RTN3: variants seen among roughly 807,000 people sequenced by gnomAD.
RTN3 encodes the protein reticulon-3.
In RTN3, 49 loss-of-function variants were observed where a neutral mutation model predicts 77.8. The ratio of observed to expected loss-of-function variants is 0.63; its 90% confidence interval spans 0.50 to 0.80. The LOEUF (loss-of-function observed/expected upper bound fraction) is 0.80, where lower values mean the gene tolerates loss of function less well. Among genes scored for constraint, RTN3 ranks in the 30% least tolerant of loss-of-function variants. The probability of loss-of-function intolerance (pLI) is 0.00; values close to 1 mark genes in which losing one functional copy is unlikely to be tolerated. For synonymous variants in RTN3, 464 were observed against 446.9 expected, an observed-to-expected ratio of 1.04 and a Z score of -0.48; for missense variants, 1,236 against 1,211.9, an observed-to-expected ratio of 1.02 and a Z score of -0.29.
rs1282814369 is a variant in RTN3, at chr11:63,720,400, C to T, written c.1898C>T (p.Ala633Val). Residue 633 changes from alanine (A) to valine (V), a missense_variant, in exon 3 of 9, where the codon GCC becomes GTC. Transcript: ENST00000377819. ...TTCTCATTAAATGTGACAACATCTGCCTATTTGGAGTCATTACATGGGAAA... is the reference window on the plus strand; with the variant it reads ...TTCTCATTAAATGTGACAACATCTGTCTATTTGGAGTCATTACATGGGAAA... ...TEFSLNVTTS[A>V]YLESLHGKNV... is the part of the protein sequence containing the mutation. The T allele has an allele frequency of 1.2e-6, 2 of 1,613,890 alleles. No individual in the cohort carries two copies. The highest frequency in any genetic ancestry group is 8.5e-7 in the Non-Finnish European group (1 of 1,179,996).
At chr11:63,715,551 C>T (rs370008795) in intron 2 of RTN3, among the ~76,000 whole-genome samples, 4 of 151,976 alleles carry the variant, frequency 2.6e-5, no homozygotes, top group Admixed American at 2.6e-4. Flanking sequence ...CCAGCTACTT[C>T]GGAGGCTGAG....
chr11:63,725,953 G>C (rs2134939781), intron 3 of RTN3, among the ~76,000 whole-genome samples: 1 of 152,110 alleles, frequency 6.6e-6, no homozygotes, highest in South Asian at 2.1e-4. Flanking sequence ...GCAGATGGTG[G>C]GTGCTAAAGT....
Position 63,719,455 on chromosome 11 carries a change from C to G in RTN3, c.953C>G (p.Thr318Arg). ...TTGCTCAGTAGGCAGTTTTCACACA[C>G]AAATGCAGCACTGGAAGAGGTGTCC... ...SALLSRQFSH[T>R]NAALEEVSRC... Residue 318 changes from threonine (T) to arginine (R), a missense_variant, in exon 3 of 9, where the codon ACA becomes AGA. By Grantham distance (71) the Thr-to-Arg change is moderately conservative (BLOSUM62 -1). Around this residue, in one of 3 missense-constraint regions of RTN3, gnomAD observed 1,056 missense variants for 990.4 expected, o/e 1.07. Transcript: ENST00000377819. The G allele has an allele frequency of 6.2e-7, 1 of 1,614,126 alleles. No homozygotes were observed. Among genetic ancestry groups the G allele is most frequent in the Non-Finnish European group, 8.5e-7 (1 of 1,180,018 alleles).
chr11:63,744,243 A>T (rs1012384766), intron 3 of RTN3, among the ~76,000 whole-genome samples: 2 of 147,402 alleles, frequency 1.4e-5, no homozygotes, highest in Non-Finnish European at 3.0e-5. Flanking sequence ...TCTGTCTCAA[A>T]AAAAAAAAAA....
At chr11:63,687,845 T>G (rs1403751968) in intron 1 of RTN3, among the ~76,000 whole-genome samples, 1 of 152,222 alleles carries the variant, frequency 6.6e-6, no homozygotes, top group African/African-American at 2.4e-5. Context: ...GCAGTTCAAG[T>G]ACAAATGAGA....
chr11:63,684,869 C>T (rs1320929960), intron 1 of RTN3, among the ~76,000 whole-genome samples: 1 of 152,082 alleles, frequency 6.6e-6, no homozygotes, highest in African/African-American at 2.4e-5. Flanking sequence ...AAACCATTCT[C>T]CCACCTTAGC....
At chr11:63,744,342 C>T (rs2135024361) in intron 3 of RTN3, among the ~76,000 whole-genome samples, 1 of 150,434 alleles carries the variant, frequency 6.6e-6, no homozygotes, top group African/African-American at 2.4e-5. Flanking sequence ...GCATTGATTA[C>T]CAGTGGGATA....
chr11:63,701,614 C>G (rs1402708001), intron 1 of RTN3, among the ~76,000 whole-genome samples: 1 of 151,986 alleles, frequency 6.6e-6, no homozygotes, highest in African/African-American at 2.4e-5. Context: ...AGGCATGTCA[C>G]ATGGCAAAAA....
At chr11:63,724,173 CTTTTTTTTTTTT>C (rs958114305) in intron 3 of RTN3, among the ~76,000 whole-genome samples, 11 of 85,464 alleles carry the variant, frequency 1.3e-4, no homozygotes, top group South Asian at 8.1e-4. Context: ...TTTAGGAATT[CTTTTTTTTTTTT>C]TTTTTTTTTT....
chr11:63,708,045 C>A (rs1236356004), intron 2 of RTN3, among the ~76,000 whole-genome samples: 4 of 152,038 alleles, frequency 2.6e-5, no homozygotes, highest in African/African-American at 9.7e-5. Flanking sequence ...CTAGGGTAGC[C>A]AAGACTGGTA....
chr11:63,735,565 T>C (rs1279158527), intron 3 of RTN3, among the ~76,000 whole-genome samples: 1 of 141,762 alleles, frequency 7.1e-6, no homozygotes, highest in African/African-American at 2.7e-5. Context: ...TCTCTCTCTC[T>C]CTCTCTCTCT....
chr11:63,736,083 G>A (rs1042497977), intron 3 of RTN3, among the ~76,000 whole-genome samples: 1 of 152,116 alleles, frequency 6.6e-6, no homozygotes, highest in African/African-American at 2.4e-5. Flanking sequence ...GCCTCACTGG[G>A]GTTGTGATAC....
chr11:63,691,626 C>G (rs968596810), intron 1 of RTN3, among the ~76,000 whole-genome samples: 3 of 152,140 alleles, frequency 2.0e-5, no homozygotes, highest in Non-Finnish European at 2.9e-5. Context: ...TCTGTTCTTT[C>G]CTTCTTTTGC....
rs1375027545 is a variant in RTN3, at chr11:63,758,270, C to G, written c.*69C>G. The G allele has an allele frequency of 1.2e-6, 2 of 1,613,480 alleles. No homozygotes were observed. The highest frequency in any genetic ancestry group is 2.2e-5 in the South Asian group (2 of 90,848). On this transcript the variant is annotated 3_prime_UTR_variant, in exon 9 of 9. Coordinates refer to ENST00000377819, the MANE Select transcript of RTN3 (RefSeq NM_001265589.2). Reference sequence around the variant, plus strand: ...AATAGTTATAACGTCGTTACTTGTACTATGAAGGAAAATACTCAGTGTCAG... The same window carrying G: ...AATAGTTATAACGTCGTTACTTGTAGTATGAAGGAAAATACTCAGTGTCAG...
At chr11:63,736,312 A>G (rs1316369715) in intron 3 of RTN3, among the ~76,000 whole-genome samples, 2 of 152,240 alleles carry the variant, frequency 1.3e-5, no homozygotes, top group African/African-American at 4.8e-5. Flanking sequence ...AATCTTATAC[A>G]GTCAGTCCTC....
intron 1 of RTN3, among the ~76,000 whole-genome samples, chr11:63,685,896 T>C (rs1157470707): frequency 6.6e-6 from 1 of 152,116 alleles, no homozygotes; most frequent in Non-Finnish European, 1.5e-5. Context: ...CAAGAATGAG[T>C]GATGGCACTC....
intron 1 of RTN3, chr11:63,698,542 GTCTT>G (rs1186771530): frequency 1.3e-5 from 2 of 154,154 alleles, no homozygotes; most frequent in Non-Finnish European, 2.9e-5. Flanking sequence ...TTCTTCACTG[GTCTT>G]TCTTTCTTGA....
At position 63,752,263 on chromosome 11, in the gene RTN3, G is replaced by A. The variant is rs541494179; in HGVS notation, c.2739-244G>A. 2.6e-5 allele frequency among the ~76,000 whole-genome samples: 4 copies of A among 151,726 alleles called. No individual in the cohort carries two copies. The South Asian group carries it at 8.3e-4, about 32-fold the overall frequency. On this transcript the variant is annotated intron_variant, in intron 4 of 8. Coordinates refer to ENST00000377819, the MANE Select transcript of RTN3 (RefSeq NM_001265589.2). ...ATGAATATCCAATGAGGTAGTAAAA[G>A]TGACACAGAACATAGGTCAGTTCTT...
Position 63,704,904 on chromosome 11 carries a change from C to T in RTN3, c.196C>T (p.Gln66Ter), listed in dbSNP as rs1344314892. 1.2e-6 allele frequency: 2 copies of T among 1,609,276 alleles called. No homozygotes were observed. The highest frequency in any genetic ancestry group is 1.3e-5 in the African/African-American group (1 of 74,770). Reference protein sequence around the residue: ...SQPVSLFSTSQEGLSSLCSDE... With the variant: ...SQPVSLFSTS The stretch of plus-strand genomic sequence containing the variant: ...GCCTGTATCTCTATTTTCGACCTCA[C>T]AAGGCAAGTCTGTAATTTTTTTGTG... Residue 66 changes from glutamine to a stop codon, truncating the protein, a stop_gained, in exon 2 of 9, where the codon CAA becomes TAA. Transcript: ENST00000377819. LOFTEE classifies it high-confidence loss of function.
Sources: allele counts gnomAD v4.1 joint callset (sites outside exome capture counted in the v4.1 genomes callset), GRCh38; gene constraint gnomAD v4.1.1; regional missense constraint gnomAD v4.1.1; transcripts MANE v1.5; gene names NCBI Gene and HGNC (gene_info 2026-07-23, HGNC 2026-07-21).